FHOD3: variants seen among roughly 807,000 people sequenced by gnomAD.
The protein encoded by FHOD3 is FH1/FH2 domain-containing protein 3.
FHOD3 carries 90 observed loss-of-function variants against 173.0 expected under a neutral mutation model. That is an observed-to-expected ratio of 0.52 (90% CI 0.44 to 0.62). The LOEUF is 0.62. Ranked by LOEUF, FHOD3 falls within the 20% of genes least tolerant of loss-of-function variation. The pLI is 0.00. For missense variants in FHOD3, 1,945 were observed against 2,034.7 expected (o/e 0.96, Z 0.85); for synonymous variants, 828 against 823.0 (o/e 1.01, Z -0.10).
intron 3 of FHOD3, among the ~76,000 whole-genome samples, chr18:36,447,274 C>T (rs1395223718): frequency 6.6e-6 from 1 of 152,100 alleles, no homozygotes; most frequent in Non-Finnish European, 1.5e-5. Flanking sequence ...ACCACATTAA[C>T]TCTGTAGGTC....
At chr18:36,728,998 T>C (rs1484559978) in intron 19 of FHOD3, among the ~76,000 whole-genome samples, 1 of 152,204 alleles carries the variant, frequency 6.6e-6, no homozygotes, top group African/African-American at 2.4e-5. Flanking sequence ...AGCCACTTCT[T>C]ATCTCCTGAA....
intron 5 of FHOD3, among the ~76,000 whole-genome samples, chr18:36,523,393 T>C (rs1163096095): frequency 6.6e-6 from 1 of 152,152 alleles, no homozygotes; most frequent in Admixed American, 6.6e-5. Context: ...GTTGGAAAAT[T>C]AGTTTATTTC....
chr18:36,397,016 A>T lies in FHOD3; in HGVS notation c.337+24272A>T, dbSNP rs892163947. On this transcript the variant is annotated intron_variant, in intron 3 of 28. Coordinates refer to ENST00000590592, the MANE Select transcript of FHOD3 (RefSeq NM_001281740.3). The stretch of plus-strand genomic sequence containing the variant: ...TTTCTTTCCTTTATATTACTGCTCC[A>T]CTATTTCTGAGTTTTAATTCCACTC... 1.3e-5 allele frequency among the ~76,000 whole-genome samples: 2 copies of T among 152,084 alleles called. 1 individual carries two copies. The highest frequency in any genetic ancestry group is 4.1e-4 in the South Asian group (2 of 4,828).
At chr18:36,457,427 C>T (rs1037023166) in intron 3 of FHOD3, among the ~76,000 whole-genome samples, 2 of 152,086 alleles carry the variant, frequency 1.3e-5, no homozygotes, top group East Asian at 1.9e-4. Flanking sequence ...AGATATGGTA[C>T]CAAGCTCTGT....
chr18:36,709,471 A>G lies in FHOD3; in HGVS notation c.2533+80A>G, dbSNP rs2040053379. 4 of 1,469,364 alleles carry G rather than the reference A, an allele frequency of 2.7e-6. No homozygotes were observed. In the East Asian group the frequency reaches 9.5e-5, roughly 35 times the overall value. The allele number at this position is 1,469,364 out of a possible 1,614,324, so 91.0% of individuals were successfully genotyped here. A position where few individuals can be genotyped will look rare whatever the true frequency, so the allele number is the denominator to read the frequency against. ...GGGCTGGTTCTCTAAGAGCTTGTCCACAGGCTGGCCTCTGAGGTGACCTGG... is the reference window on the plus strand; with the variant it reads ...GGGCTGGTTCTCTAAGAGCTTGTCCGCAGGCTGGCCTCTGAGGTGACCTGG... On this transcript the variant is annotated intron_variant, in intron 18 of 28. Transcript: ENST00000590592.
intron 3 of FHOD3, among the ~76,000 whole-genome samples, chr18:36,426,800 T>C (rs1466069271): frequency 6.6e-6 from 1 of 152,240 alleles, no homozygotes; most frequent in Non-Finnish European, 1.5e-5. Flanking sequence ...GTCTTTACAA[T>C]CCTTCTGTGA....
At chr18:36,452,103 A>T (rs1032320379) in intron 3 of FHOD3, among the ~76,000 whole-genome samples, 1 of 152,180 alleles carries the variant, frequency 6.6e-6, no homozygotes, top group African/African-American at 2.4e-5. Context: ...ATAAGCTGGG[A>T]TCGCAGCTCA....
chr18:36,647,962 G>C (rs1156735758), intron 10 of FHOD3, among the ~76,000 whole-genome samples: 2 of 152,160 alleles, frequency 1.3e-5, no homozygotes, highest in Non-Finnish European at 2.9e-5. Context: ...AAATTCAGTG[G>C]TTTGTGTACT....
chr18:36,443,200 AC>A (rs1240599137), intron 3 of FHOD3, among the ~76,000 whole-genome samples: 1 of 152,160 alleles, frequency 6.6e-6, no homozygotes, highest in African/African-American at 2.4e-5. Context: ...AATTATGTAA[AC>A]ATCCTGCTCA....
rs75312019 is a variant in FHOD3 at position 36,361,161 on chromosome 18, C to A, written c.272+5516C>A. Among the ~76,000 whole-genome samples, 45 of 152,102 alleles carry A rather than the reference C, an allele frequency of 3.0e-4. No individual in the cohort carries two copies. In the East Asian group the frequency reaches 6.6e-3, roughly 22 times the overall value. ...ATCAGTGACAGGTTCAAGCTCCTGT[C>A]TTCATAGTGCTATGCAAGGCTCAAA... On this transcript the variant is annotated intron_variant, in intron 2 of 28. Coordinates refer to ENST00000590592, the MANE Select transcript of FHOD3 (RefSeq NM_001281740.3).
intron 11 of FHOD3, 46 bp from the exon 12 acceptor site, chr18:36,652,524 C>T (rs1372921950): frequency 6.7e-7 from 1 of 1,490,280 alleles, no homozygotes; most frequent in African/African-American, 1.4e-5. Context: ...TCCTTCTCTC[C>T]CAAATCTTTT....
chr18:36,638,327 C>A (rs2035037486), intron 10 of FHOD3, among the ~76,000 whole-genome samples: 1 of 152,116 alleles, frequency 6.6e-6, no homozygotes, highest in Non-Finnish European at 1.5e-5. Context: ...TAATAGGCAT[C>A]TTGGGAGGTG....
At chr18:36,553,302 A>T (rs939907808) in intron 5 of FHOD3, among the ~76,000 whole-genome samples, 12 of 152,194 alleles carry the variant, frequency 7.9e-5, no homozygotes, top group African/African-American at 2.9e-4. Flanking sequence ...TGTCTCTGCC[A>T]GGCTTTGGTA....
At chr18:36,342,153 G>A (rs2045656245) in intron 1 of FHOD3, among the ~76,000 whole-genome samples, 1 of 152,108 alleles carries the variant, frequency 6.6e-6, no homozygotes. Flanking sequence ...TGGAATATAG[G>A]TCAGTAGAAG....
rs368755683 is a variant in FHOD3, at chr18:36,448,688, T to G, written c.338-53244T>G. On this transcript the variant is annotated intron_variant, in intron 3 of 28. Transcript: ENST00000590592. Reference sequence around the variant, plus strand: ...TCAAATTACTCTTCCTCCTTCTGCTTCTTGCTGGGCCAGTGAGGGTCCAGT... The same window carrying G: ...TCAAATTACTCTTCCTCCTTCTGCTGCTTGCTGGGCCAGTGAGGGTCCAGT... Among the ~76,000 whole-genome samples the G allele has an allele frequency of 7.2e-5, 11 of 151,888 alleles. 1 individual carries two copies. The highest frequency in any genetic ancestry group is 3.3e-4 in the Admixed American group (5 of 15,242).
intron 2 of FHOD3, among the ~76,000 whole-genome samples, chr18:36,365,499 T>G: frequency 6.6e-6 from 1 of 151,948 alleles, no homozygotes; most frequent in East Asian, 1.9e-4. Flanking sequence ...AGATTGGTGG[T>G]TGCCTCTTGC....
chr18:36,694,429 G>A (rs2039140331), intron 17 of FHOD3, among the ~76,000 whole-genome samples: 1 of 152,160 alleles, frequency 6.6e-6, no homozygotes, highest in East Asian at 1.9e-4. Flanking sequence ...AGCTTCCCGT[G>A]ACATCCCGTT....
At position 36,742,650 on chromosome 18, in the gene FHOD3, G is replaced by T. The variant is rs1176523892; in HGVS notation, c.3760-87G>T. ...TGCCTTGTGCTGGGGAGAACACCGT[G>T]TGTTATTCCCTTATACAAAAAGTCA... is the stretch of plus-strand genomic sequence containing the variant. On this transcript the variant is annotated intron_variant, in intron 21 of 28. Coordinates refer to ENST00000590592, the MANE Select transcript of FHOD3 (RefSeq NM_001281740.3). 2.1e-6 allele frequency: 3 copies of T among 1,417,784 alleles called. No homozygotes were observed. In the East Asian group the frequency reaches 6.9e-5, roughly 33 times the overall value. 87.8% of individuals were successfully genotyped at this position (1,417,784 alleles called of 1,614,324 possible).
chr18:36,446,228 CACTG>C (rs2051463288), intron 3 of FHOD3, among the ~76,000 whole-genome samples: 1 of 152,196 alleles, frequency 6.6e-6, no homozygotes, highest in South Asian at 2.1e-4. Context: ...GGATGCTGAG[CACTG>C]GCAATCTGGC....
Sources: gnomAD v4.1 joint callset for allele counts (sites outside exome capture counted in the v4.1 genomes callset) on GRCh38, gnomAD v4.1.1 for gene constraint, MANE v1.5 for transcripts, NCBI Gene and HGNC (gene_info 2026-07-23, HGNC 2026-07-21) for gene names.